DBI: variants seen among roughly 807,000 people sequenced by gnomAD.
DBI encodes diazepam binding inhibitor, acyl-CoA binding protein.
A neutral mutation model predicts 13.0 loss-of-function variants in DBI; 12 were observed. The ratio of observed to expected loss-of-function variants is 0.92; its 90% CI spans 0.59 to 1.49. The LOEUF (loss-of-function observed/expected upper bound fraction) is 1.49, where lower values mean the gene tolerates loss of function less well. DBI is among the 40% of genes most tolerant of loss of function. The pLI is 0.00. For missense variants in DBI, 95 were observed against 104.8 expected, an observed-to-expected ratio of 0.91 and a Z score of 0.41; for synonymous variants, 37 against 37.4, an observed-to-expected ratio of 0.99 and a Z score of 0.04.
At position 119,372,342 on chromosome 2, in the gene DBI, C is replaced by T; in HGVS notation, c.*24C>T. On this transcript the variant is annotated 3_prime_UTR_variant, in exon 4 of 4. Transcript: ENST00000355857. ...GAGAGACTGGATTTGGTTACTGTGC[C>T]ATGTGTTTATCCTAAACTGAGACAA... The T allele has an allele frequency of 1.3e-6, 2 of 1,563,908 alleles. No homozygotes were observed.
At chr2:119,367,525 A>T in intron 1 of DBI, 1 of 1,604,540 alleles carries the variant, frequency 6.2e-7, no homozygotes, top group African/African-American at 1.3e-5. Flanking sequence ...CGGCCCGGGG[A>T]GAGGTGACCC....
Position 119,372,236 on chromosome 2 carries a change from T to C in DBI, c.191-9T>C. On this transcript the variant is annotated splice_polypyrimidine_tract_variant and intron_variant, in intron 3 of 3. Coordinates refer to ENST00000355857, the MANE Select transcript of DBI (RefSeq NM_001079862.4). ...CTCCCTGACACATAATCCTGTCGAT[T>C]CCTTACAGGGACTTCCAAGGAAGAT... The C allele has an allele frequency of 3.1e-6, 5 of 1,610,754 alleles. No individual in the cohort carries two copies. Among genetic ancestry groups the C allele is most frequent in the Non-Finnish European group, 3.4e-6 (4 of 1,177,072 alleles).
At chr2:119,371,829 A>G (rs3754854) in intron 3 of DBI, among the ~76,000 whole-genome samples, 80,087 of 152,072 alleles carry the variant, frequency 0.53, 21,429 homozygotes, top group African/African-American at 0.6. Context: ...ACAGCTCTGG[A>G]AGATAGGAGC....
chr2:119,368,054 G>T, intron 1 of DBI, 134 bp from the exon 2 acceptor site: 8 of 1,517,304 alleles, frequency 5.3e-6, no homozygotes, highest in Non-Finnish European at 7.3e-6. Flanking sequence ...CACTTCAGGG[G>T]CTGCATTGCC....
At chr2:119,367,675 A>AG in intron 1 of DBI, 1 of 1,612,784 alleles carries the variant, frequency 6.2e-7, no homozygotes, top group Non-Finnish European at 8.5e-7. Flanking sequence ...CCCCAGGGGG[A>AG]GGGAGGGGAC....
At position 119,370,274 on chromosome 2, in the gene DBI, C is replaced by T. The variant is rs115656126; in HGVS notation, c.128-466C>T. The T allele has an allele frequency of 7.9e-3, 1,197 of 152,376 alleles. 11 individuals are homozygous for T. Among genetic ancestry groups the T allele is most frequent in the Admixed American group, 0.012 (186 of 15,284 alleles). The allele number at this position is 152,376 out of a possible 1,614,324, so 9.4% of individuals were successfully genotyped here. A position where few individuals can be genotyped will look rare whatever the true frequency, so the allele number is the denominator to read the frequency against. On this transcript the variant is annotated intron_variant, in intron 2 of 3. Transcript: ENST00000355857. The stretch of plus-strand genomic sequence containing the variant: ...ATCAGCAAGAAATAGACTAACAATT[C>T]GGTAGAAAAATGGGGCTAGGATATA...
chr2:119,372,223 T>C (rs769852138), intron 3 of DBI, 22 bp from the exon 4 acceptor site: 7 of 1,599,242 alleles, frequency 4.4e-6, no homozygotes, highest in Admixed American at 1.7e-5. Context: ...CCCTGACACA[T>C]AATCCTGTCG....
intron 2 of DBI, 101 bp from the exon 3 acceptor site, chr2:119,370,639 G>A: frequency 9.2e-7 from 1 of 1,086,368 alleles, no homozygotes; most frequent in African/African-American, 1.6e-5. Flanking sequence ...GAGCCTAGAA[G>A]GAACAGGTGT....
Position 119,370,653 on chromosome 2 carries a change from A to G in DBI, c.128-87A>G, listed in dbSNP as rs1173813258. On this transcript the variant is annotated intron_variant, in intron 2 of 3. Coordinates refer to ENST00000355857, the MANE Select transcript of DBI (RefSeq NM_001079862.4). ...AGAGCCTAGAAGGAACAGGTGTAAT[A>G]GAAGATGGCATTTATGGCAAGAAGG... 5.6e-6 allele frequency: 7 copies of G among 1,244,274 alleles called. No individual in the cohort carries two copies. In the East Asian group the frequency reaches 1.7e-4, roughly 30 times the overall value. The allele number at this position is 1,244,274 out of a possible 1,614,324, so 77.1% of individuals were successfully genotyped here.
intron 1 of DBI, chr2:119,367,764 G>A: frequency 6.2e-7 from 1 of 1,608,570 alleles, no homozygotes; most frequent in Non-Finnish European, 8.5e-7. Context: ...TGCCCCGTCT[G>A]TCCTCAGGCC....
rs569858683 is a variant in DBI, at chr2:119,371,014, A to G, written c.190+212A>G. ...TCTAAAAGCACCATCTCTGAGCAGG[A>G]GCATCATCTAGAGAGGAGGGGCTGG... On this transcript the variant is annotated intron_variant, in intron 3 of 3. Coordinates refer to ENST00000355857, the MANE Select transcript of DBI (RefSeq NM_001079862.4). Among the ~76,000 whole-genome samples, 4 of 152,298 alleles carry G rather than the reference A, an allele frequency of 2.6e-5. No homozygotes were observed. In the South Asian group the frequency reaches 8.3e-4, roughly 32 times the overall value.
At chr2:119,368,062 G>A (rs954612426) in intron 1 of DBI, 126 bp from the exon 2 acceptor site, 8 of 1,514,834 alleles carry the variant, frequency 5.3e-6, no homozygotes, top group Non-Finnish European at 5.5e-6. Context: ...GGGCTGCATT[G>A]CCCGAAGGGT....
At position 119,372,289 on chromosome 2, in the gene DBI, G is replaced by A. The variant is rs776066590; in HGVS notation, c.235G>A (p.Glu79Lys). ...CATGAAAGCTTACATCAACAAAGTA[G>A]AAGAGCTAAAGAAAAAATACGGGAT... ...DAMKAYINKV[E>K]ELKKKYGI The change falls in exon 4 of 4, where the codon GAA becomes AAA. Residue 79 changes from glutamate (E) to lysine (K), a missense_variant. Physicochemically the swap from Glu to Lys is moderately conservative, Grantham distance 56. Coordinates refer to ENST00000355857, the MANE Select transcript of DBI (RefSeq NM_001079862.4). 7.4e-6 allele frequency: 12 copies of A among 1,613,562 alleles called. No homozygotes were observed. Among genetic ancestry groups the A allele is most frequent in the South Asian group, 1.1e-5 (1 of 91,052 alleles).
In DBI at chr2:119,370,774, C is replaced by T; in HGVS notation, c.162C>T (p.Ala54=). Residue 54 remains alanine, a synonymous_variant, in exon 3 of 4, where the codon GCC becomes GCT. Transcript: ENST00000355857. The part of the protein sequence containing the change: ...RPGMLDFTGK[A]KWDAWNELKG... The stretch of plus-strand genomic sequence containing the variant: ...GGATGTTGGACTTCACGGGCAAGGC[C>T]AAGTGGGATGCCTGGAATGAGCTGA... 1 of 1,614,044 alleles carries T rather than the reference C, an allele frequency of 6.2e-7. No individual in the cohort carries two copies. Among genetic ancestry groups the T allele is most frequent in the East Asian group, 2.2e-5 (1 of 44,876 alleles).
rs1393687262 is a variant in DBI at position 119,368,283 on chromosome 2, A to G, written c.105A>G (p.Ala35=). The change falls in exon 2 of 4, where the codon GCA becomes GCG. Residue 35 remains alanine, a synonymous_variant. Transcript: ENST00000355857. The part of the protein sequence containing the change: ...MLFIYGHYKQ[A]TVGDINTERP... ...TCATCTATGGCCACTACAAACAAGC[A>G]ACTGTGGGCGACATAAATACAGGTA... The G allele has an allele frequency of 5.0e-6, 8 of 1,613,886 alleles. No homozygotes were observed. Among genetic ancestry groups the G allele is most frequent in the African/African-American group, 2.7e-5 (2 of 74,916 alleles).
rs3209863 is a variant in DBI at position 119,367,046 on chromosome 2, G to A, written c.-6G>A. ...GTCTCCCTGGAGTTCTTGCAAGTCG[G>A]CCAGGATGTCTCAGGTACAGCGCGT... On this transcript the variant is annotated 5_prime_UTR_variant, in exon 1 of 4. Coordinates refer to ENST00000355857, the MANE Select transcript of DBI (RefSeq NM_001079862.4). The A allele has an allele frequency of 6.2e-7, 1 of 1,614,092 alleles. No homozygotes were observed. Among genetic ancestry groups the A allele is most frequent in the Non-Finnish European group, 8.5e-7 (1 of 1,180,016 alleles).
At chr2:119,368,026 G>A (rs2104681879) in intron 1 of DBI, 162 bp from the exon 2 acceptor site, 6 of 1,574,330 alleles carry the variant, frequency 3.8e-6, no homozygotes, top group Non-Finnish European at 5.2e-6. Context: ...GCCCTGTTGG[G>A]GCAGGGAGGG....
rs577056151 is a variant in DBI at position 119,370,934 on chromosome 2, A to G, written c.190+132A>G. On this transcript the variant is annotated intron_variant, in intron 3 of 3. Transcript: ENST00000355857. ...GTGGGAAACCAGCCTGACCTGTGCC[A>G]GAATGGGAAAAAACCGGGCCACCTA... 5.6e-5 allele frequency: 42 copies of G among 754,898 alleles called. No homozygotes were observed. The South Asian group carries it at 6.9e-4, about 12-fold the overall frequency. 46.8% of individuals were successfully genotyped at this position (754,898 alleles called of 1,614,324 possible).
At position 119,368,282 on chromosome 2, in the gene DBI, C is replaced by T. The variant is rs200872261; in HGVS notation, c.104C>T (p.Ala35Val). 29 of 1,613,748 alleles carry T rather than the reference C, an allele frequency of 1.8e-5. No homozygotes were observed. The Admixed American group carries it at 4.8e-4, about 27-fold the overall frequency. ...MLFIYGHYKQ[A>V]TVGDINTERP... is the part of the protein sequence containing the mutation. Reference sequence around the variant, plus strand: ...TTCATCTATGGCCACTACAAACAAGCAACTGTGGGCGACATAAATACAGGT... The same window carrying T: ...TTCATCTATGGCCACTACAAACAAGTAACTGTGGGCGACATAAATACAGGT... Residue 35 changes from alanine to valine, a missense_variant, in exon 2 of 4, where the codon GCA (alanine) becomes GTA (valine). Ala to Val is a moderately conservative substitution (Grantham distance 64). Coordinates refer to ENST00000355857, the MANE Select transcript of DBI (RefSeq NM_001079862.4).
Sources: allele counts gnomAD v4.1 joint callset (sites outside exome capture counted in the v4.1 genomes callset), GRCh38; gene constraint gnomAD v4.1.1; transcripts MANE v1.5; gene names NCBI Gene and HGNC (gene_info 2026-07-23, HGNC 2026-07-21).